TDRD3: variants seen among roughly 807,000 people sequenced by gnomAD.
TDRD3 encodes tudor domain containing 3, also known as tudor domain-containing protein 3.
TDRD3 carries 45 observed loss-of-function variants against 86.7 expected under a neutral mutation model. That is an observed-to-expected ratio of 0.52 (90% CI 0.41 to 0.67). The LOEUF is 0.67. Ranked by LOEUF, TDRD3 falls within the 30% of genes least tolerant of loss-of-function variation. The pLI is 0.00. For missense variants in TDRD3, 814 were observed against 889.0 expected, an observed-to-expected ratio of 0.92 and a Z score of 1.07; for synonymous variants, 298 against 301.7, an observed-to-expected ratio of 0.99 and a Z score of 0.13.
At chr13:60,435,362 C>A (rs1955063068) in intron 1 of TDRD3, among the ~76,000 whole-genome samples, 1 of 151,802 alleles carries the variant, frequency 6.6e-6, no homozygotes, top group African/African-American at 2.4e-5. Flanking sequence ...TTTAGTGCAC[C>A]CATCACTCAA....
intron 1 of TDRD3, among the ~76,000 whole-genome samples, chr13:60,420,077 A>G (rs979767535): frequency 1.3e-5 from 2 of 152,070 alleles, no homozygotes; most frequent in African/African-American, 4.8e-5. Context: ...TATTACAAAT[A>G]TAGACTTAGA....
At chr13:60,422,226 A>C (rs897877866) in intron 1 of TDRD3, among the ~76,000 whole-genome samples, 1 of 152,136 alleles carries the variant, frequency 6.6e-6, no homozygotes, top group African/African-American at 2.4e-5. Flanking sequence ...GAAAAGGGAA[A>C]AATTAAGGCC....
At chr13:60,508,544 G>C (rs992110482) in intron 8 of TDRD3, among the ~76,000 whole-genome samples, 1 of 152,130 alleles carries the variant, frequency 6.6e-6, no homozygotes, top group Admixed American at 6.5e-5. Context: ...AATAAATTTT[G>C]CTGGGAAAAC....
At position 60,417,353 on chromosome 13, in the gene TDRD3, T is replaced by A. The variant is rs537252382; in HGVS notation, c.41+19948T>A. On this transcript the variant is annotated intron_variant, in intron 1 of 13. Transcript: ENST00000377881. ...CTTTCATGATTTAAACTAATTTCATTTTTTTTTTTTTTTTTGAGATGGAGT... is the reference window on the plus strand; with the variant it reads ...CTTTCATGATTTAAACTAATTTCATATTTTTTTTTTTTTTTGAGATGGAGT... 2.8e-4 allele frequency among the ~76,000 whole-genome samples: 36 copies of A among 130,624 alleles called. 1 individual carries two copies. Among genetic ancestry groups the A allele is most frequent in the Middle Eastern group, 4.5e-3 (1 of 222 alleles). 85.7% of individuals were successfully genotyped at this position (130,624 alleles called of 152,430 possible).
intron 1 of TDRD3, among the ~76,000 whole-genome samples, chr13:60,399,060 G>T (rs190966431): frequency 6.6e-6 from 1 of 152,034 alleles, no homozygotes; most frequent in African/African-American, 2.4e-5. Context: ...TCCCGAACAC[G>T]TGTTGACTTT....
chr13:60,461,221 T>A (rs1955796001), intron 4 of TDRD3, among the ~76,000 whole-genome samples: 1 of 152,182 alleles, frequency 6.6e-6, no homozygotes, highest in South Asian at 2.1e-4. Flanking sequence ...CACTGTTTAA[T>A]GTTCTTGCAG....
intron 1 of TDRD3, among the ~76,000 whole-genome samples, chr13:60,426,872 C>T (rs192010430): frequency 1.3e-5 from 2 of 152,284 alleles, no homozygotes; most frequent in African/African-American, 2.4e-5. Flanking sequence ...TTACACAAAC[C>T]TTAATGGTAT....
In TDRD3 at chr13:60,539,121, C is replaced by T. The variant is rs564861867; in HGVS notation, c.2118+3888C>T. ...GCCAGTAATTCTGGAAGGTGATAGG[C>T]AAATTGTTATCGTCTTTTAGGTGAG... On this transcript the variant is annotated intron_variant, in intron 12 of 13. Coordinates refer to ENST00000377881, the MANE Select transcript of TDRD3 (RefSeq NM_001146070.2). Among the ~76,000 whole-genome samples, 12 of 152,154 alleles carry T rather than the reference C, an allele frequency of 7.9e-5. No homozygotes were observed. In the South Asian group the frequency reaches 2.5e-3, roughly 32 times the overall value.
intron 1 of TDRD3, 138 bp from the exon 2 acceptor site, chr13:60,439,550 G>T: frequency 1.6e-6 from 1 of 624,414 alleles, no homozygotes; most frequent in East Asian, 2.9e-5. Context: ...AATAAACAGG[G>T]AATCCATATC....
chr13:60,471,227 T>C (rs1415288099), intron 5 of TDRD3, among the ~76,000 whole-genome samples: 2 of 152,186 alleles, frequency 1.3e-5, no homozygotes, highest in African/African-American at 4.8e-5. Flanking sequence ...ATTTTTGTAT[T>C]AGTAAAGGGT....
chr13:60,444,236 A>G (rs1270728812), intron 2 of TDRD3, among the ~76,000 whole-genome samples: 3 of 151,908 alleles, frequency 2.0e-5, no homozygotes, highest in Admixed American at 6.6e-5. Context: ...ATATAGCTTT[A>G]TGTTACAGAT....
In TDRD3 at chr13:60,509,917, G is replaced by A. The variant is rs768985609; in HGVS notation, c.1013G>A (p.Arg338Lys). The A allele has an allele frequency of 6.2e-7, 1 of 1,613,042 alleles. No homozygotes were observed. The highest frequency in any genetic ancestry group is 1.1e-5 in the South Asian group (1 of 90,916). ...AAACCTGTTATGGGTCCTCCTCTGA[G>A]AGGTATAATTTATTAAGCAGTGTGC... Reference protein sequence around the residue: ...KQKPVMGPPLRGRGKGRGRIR... With the variant: ...KQKPVMGPPLKGRGKGRGRIR... The change falls in exon 9 of 14, where the codon AGA (arginine) becomes AAA (lysine). Residue 338 changes from arginine (R) to lysine (K), a missense_variant and splice_region_variant. Physicochemically the swap from Arg to Lys is conservative, Grantham distance 26 (BLOSUM62 2). Coordinates refer to ENST00000377881, the MANE Select transcript of TDRD3 (RefSeq NM_001146070.2).
intron 12 of TDRD3, among the ~76,000 whole-genome samples, chr13:60,549,181 G>A (rs1011456356): frequency 2.6e-5 from 4 of 152,074 alleles, no homozygotes; most frequent in Non-Finnish European, 5.9e-5. Context: ...TTTTATAAAT[G>A]TTCTGTAATT....
intron 12 of TDRD3, among the ~76,000 whole-genome samples, chr13:60,561,066 TA>T (rs1958321501): frequency 6.6e-6 from 1 of 152,202 alleles, no homozygotes; most frequent in South Asian, 2.1e-4. Flanking sequence ...TATTTTCTTC[TA>T]AAGGGGAATT....
At chr13:60,444,878 G>C (rs972420982) in intron 3 of TDRD3, 130 bp downstream of exon 3, 4 of 438,322 alleles carry the variant, frequency 9.1e-6, no homozygotes, top group Non-Finnish European at 1.6e-5. Flanking sequence ...AGGTCACAAA[G>C]TCATTGTTAT....
intron 8 of TDRD3, among the ~76,000 whole-genome samples, chr13:60,500,154 T>G (rs974172449): frequency 1.3e-5 from 2 of 152,130 alleles, no homozygotes; most frequent in Admixed American, 6.5e-5. Context: ...GTTACTGGGT[T>G]TTGGTGGAAA....
At chr13:60,481,704 T>C (rs891014781) in intron 5 of TDRD3, among the ~76,000 whole-genome samples, 1 of 152,214 alleles carries the variant, frequency 6.6e-6, no homozygotes, top group Non-Finnish European at 1.5e-5. Flanking sequence ...TAGTTCATCA[T>C]CTTTGTCATC....
At position 60,542,378 on chromosome 13, in the gene TDRD3, C is replaced by T. The variant is rs140949744; in HGVS notation, c.2118+7145C>T. ...AGATGTTAGTCTTCTATTGGGCATG[C>T]ATCTTGACACTCATGTCAATATATT... On this transcript the variant is annotated intron_variant, in intron 12 of 13. Transcript: ENST00000377881. Among the ~76,000 whole-genome samples, 756 of 152,184 alleles carry T rather than the reference C, an allele frequency of 5.0e-3. 3 individuals are homozygous for T. Among genetic ancestry groups the T allele is most frequent in the Middle Eastern group, 0.024 (7 of 294 alleles).
At chr13:60,490,336 T>C (rs1001757540) in intron 7 of TDRD3, among the ~76,000 whole-genome samples, 1 of 152,158 alleles carries the variant, frequency 6.6e-6, no homozygotes, top group East Asian at 1.9e-4. Flanking sequence ...TACTTGGTTA[T>C]CTGAGCAAGA....
Sources: allele counts gnomAD v4.1 joint callset (sites outside exome capture counted in the v4.1 genomes callset), GRCh38; gene constraint gnomAD v4.1.1; transcripts MANE v1.5; gene names NCBI Gene and HGNC (gene_info 2026-07-23, HGNC 2026-07-21).